TNKS1BP1: variants seen among roughly 807,000 people sequenced by gnomAD.
TNKS1BP1 encodes the protein 182 kDa tankyrase-1-binding protein.
Under a neutral mutation model 141.1 loss-of-function variants are expected in TNKS1BP1, and 48 were observed. The ratio of observed to expected loss-of-function variants is 0.34; its 90% confidence interval spans 0.27 to 0.43. TNKS1BP1 has a LOEUF of 0.43. Ranked by LOEUF, TNKS1BP1 falls within the 20% of genes least tolerant of loss-of-function variation. The pLI, the probability that TNKS1BP1 is intolerant of heterozygous loss-of-function variation, is 1.00. For missense variants in TNKS1BP1, 2,149 were observed against 2,226.0 expected (o/e 0.97, Z 0.70); for synonymous variants, 875 against 898.2 (o/e 0.97, Z 0.46).
rs377559679 is a variant in TNKS1BP1, at chr11:57,302,410, G to A, written c.4683+49C>T. 187 of 1,550,070 alleles carry A rather than the reference G, an allele frequency of 1.2e-4. No homozygotes were observed. The highest frequency in any genetic ancestry group is 1.5e-4 in the Non-Finnish European group (166 of 1,143,588). On this transcript the variant is annotated intron_variant, in intron 7 of 11. Coordinates refer to ENST00000358252, the MANE Select transcript of TNKS1BP1 (RefSeq NM_033396.3). This position sits in a 1 kb window ranked among gnomAD's most constrained non-coding sequence, Gnocchi z 5.5. ...GGGAAGCTCCAGGAATGGGGCTCTC[G>A]CTGCATCGCCCTCACCCACCCACTG...
At chr11:57,315,223 C>T (rs568694098) in intron 4 of TNKS1BP1, among the ~76,000 whole-genome samples, 1 of 152,106 alleles carries the variant, frequency 6.6e-6, no homozygotes, top group African/African-American at 2.4e-5. Flanking sequence ...CCAAGTATCC[C>T]ACTTGCCCAC....
chr11:57,307,850 C>T (rs147338379), intron 6 of TNKS1BP1, among the ~76,000 whole-genome samples: 88 of 152,288 alleles, frequency 5.8e-4, no homozygotes, highest in African/African-American at 2.0e-3. Flanking sequence ...GGCCAGGTCC[C>T]CATACCCTTC....
At position 57,317,980 on chromosome 11, in the gene TNKS1BP1, C is replaced by T; in HGVS notation, c.729-93G>A. The T allele has an allele frequency of 2.5e-6, 3 of 1,219,778 alleles. No homozygotes were observed. The South Asian group carries it at 3.7e-5, about 15-fold the overall frequency. The allele number at this position is 1,219,778 out of a possible 1,614,324, so 75.6% of individuals were successfully genotyped here. On this transcript the variant is annotated intron_variant, in intron 3 of 11. Coordinates refer to ENST00000358252, the MANE Select transcript of TNKS1BP1 (RefSeq NM_033396.3). ...GGAGAGTCTCCCAGTGCAACTTTAA[C>T]AGCACCCAAAGGTTAAACCCTCCTA... is the stretch of plus-strand genomic sequence containing the variant.
intron 3 of TNKS1BP1, 24 bp from the exon 4 acceptor site, chr11:57,317,911 T>C: frequency 6.2e-7 from 1 of 1,609,972 alleles, no homozygotes; most frequent in African/African-American, 1.3e-5. Flanking sequence ...GGACAGGAAA[T>C]GGAAGCACGG....
Position 57,300,906 on chromosome 11 carries a change from G to A in TNKS1BP1, c.5107C>T (p.Pro1703Ser), listed in dbSNP as rs1221666612. The A allele has an allele frequency of 1.2e-6, 2 of 1,614,094 alleles. No homozygotes were observed. The highest frequency in any genetic ancestry group is 1.7e-5 in the Admixed American group (1 of 60,014). The change falls in exon 10 of 12, where the codon CCC (proline) becomes TCC (serine). Residue 1703 changes from proline to serine, a missense_variant. Transcript: ENST00000358252. ...TACCCTGAGGATTTCTCTGGCTTGG[G>A]AGGTAACGTGAGGGGCTTTCCCAGT... Reference protein sequence around the residue: ...PGLGKPLTLPPKPEKSSGSEG... With the variant: ...PGLGKPLTLPSKPEKSSGSEG...
chr11:57,308,823 G>A lies in TNKS1BP1; in HGVS notation c.3888C>T (p.Cys1296=), dbSNP rs1322036729. The A allele has an allele frequency of 6.2e-7, 1 of 1,614,070 alleles. No homozygotes were observed. The highest frequency in any genetic ancestry group is 1.1e-5 in the South Asian group (1 of 91,070). The change falls in exon 6 of 12, where the codon TGC becomes TGT. Residue 1296 remains cysteine, a synonymous_variant. Transcript: ENST00000358252. The part of the protein sequence containing the change: ...GLRNMAPGAV[C]SPGESKELGV... Reference sequence around the variant, plus strand: ...CAAGCTCTTTGGACTCTCCAGGACTGCAGACTGCCCCTGGGGCCATGTTTC... The same window carrying A: ...CAAGCTCTTTGGACTCTCCAGGACTACAGACTGCCCCTGGGGCCATGTTTC...
intron 2 of TNKS1BP1, 75 bp downstream of exon 2, chr11:57,321,717 A>G (rs1175430275): frequency 1.3e-6 from 2 of 1,540,094 alleles, no homozygotes; most frequent in African/African-American, 2.7e-5. Flanking sequence ...ACCCCCCAAG[A>G]CAGAAAGAGG....
chr11:57,302,271 C>A lies in TNKS1BP1; in HGVS notation c.4684-47G>T, dbSNP rs374947474. 7.6e-6 allele frequency: 12 copies of A among 1,580,714 alleles called. No individual in the cohort carries two copies. The African/African-American group carries it at 1.2e-4, about 16-fold the overall frequency. ...CCACTGCCATTGCTGCCTCATCCCA[C>A]GGGAGCCCCTCAACAGTAGCTGACC... On this transcript the variant is annotated intron_variant, in intron 7 of 11. Transcript: ENST00000358252. The surrounding 1 kb of genome is among the most constrained non-coding windows in gnomAD (Gnocchi z 5.5).
intron 5 of TNKS1BP1, 116 bp downstream of exon 5, chr11:57,312,418 T>C (rs544678736): frequency 8.3e-7 from 1 of 1,202,798 alleles, no homozygotes; most frequent in South Asian, 2.7e-5. Context: ...ACAGCTGCCT[T>C]GCTCACTACC....
rs367912216 is a variant in TNKS1BP1 at position 57,312,520 on chromosome 11, A to C, written c.2154+14T>G. 2.1e-4 allele frequency: 303 copies of C among 1,462,786 alleles called. 1 individual carries two copies. The highest frequency in any genetic ancestry group is 1.3e-3 in the Admixed American group (52 of 39,120). 90.6% of individuals were successfully genotyped at this position (1,462,786 alleles called of 1,614,324 possible). A position where few individuals can be genotyped will look rare whatever the true frequency, so the allele number is the denominator to read the frequency against. On this transcript the variant is annotated intron_variant, in intron 5 of 11. Transcript: ENST00000358252. Reference sequence around the variant, plus strand: ...TGTCCCCAGAAGTCCCATTCTCCCTATGCCCATTCTCACCTCAGAGCAGGT... The same window carrying C: ...TGTCCCCAGAAGTCCCATTCTCCCTCTGCCCATTCTCACCTCAGAGCAGGT...
rs763921871 is a variant in TNKS1BP1 at position 57,300,959 on chromosome 11, T to C, written c.5054A>G (p.Gln1685Arg). 2 of 1,614,030 alleles carry C rather than the reference T, an allele frequency of 1.2e-6. No homozygotes were observed. Among genetic ancestry groups the C allele is most frequent in the African/African-American group, 2.7e-5 (2 of 74,914 alleles). ...TGGGACCTTGCAGGATTTCGAACGC[T>C]GGACCGCGGACTCCTTCTGGCTCGA... ...SKSSQKESAV[Q>R]RSKSCKVPGL... The change falls in exon 10 of 12, where the codon CAG (glutamine) becomes CGG (arginine). Residue 1685 changes from glutamine (Q) to arginine (R), a missense_variant. Gln to Arg is a conservative substitution (Grantham distance 43, BLOSUM62 1). Transcript: ENST00000358252.
At chr11:57,321,744 T>TGCCCCCCCCCCCCCCCC in intron 2 of TNKS1BP1, 48 bp downstream of exon 2, 1 of 1,039,822 alleles carries the variant, frequency 9.6e-7, no homozygotes, top group Non-Finnish European at 1.5e-6. Flanking sequence ...CCTCTGTCCT[T>TGCCCCCCCCCCCCCCCC]CCCACCCCCC....
chr11:57,302,233 G>A lies in TNKS1BP1; in HGVS notation c.4684-9C>T. 1.2e-6 allele frequency: 2 copies of A among 1,605,668 alleles called. No individual in the cohort carries two copies. Among genetic ancestry groups the A allele is most frequent in the Non-Finnish European group, 1.7e-6 (2 of 1,175,824 alleles). On this transcript the variant is annotated splice_polypyrimidine_tract_variant and intron_variant, in intron 7 of 11. Coordinates refer to ENST00000358252, the MANE Select transcript of TNKS1BP1 (RefSeq NM_033396.3). This position sits in a 1 kb window ranked among gnomAD's most constrained non-coding sequence, Gnocchi z 5.5. The stretch of plus-strand genomic sequence containing the variant: ...TCGAGGATCTCGGTGTCCTGCTTGG[G>A]GCAATGGTGACACCACTGCCATTGC...
chr11:57,309,816 G>A lies in TNKS1BP1; in HGVS notation c.2895C>T (p.Gly965=), dbSNP rs770782579. ...CCTGGGCGTCAAGGGTCCTGGAGCT[G>A]CCACCACTGCTGTAGTCCCTTATCC... ...SAWIRDYSSG[G]SSRTLDAQDR... is the part of the protein sequence containing the mutation. The change falls in exon 6 of 12, where the codon GGC becomes GGT. Residue 965 remains glycine (G), a synonymous_variant. Coordinates refer to ENST00000358252, the MANE Select transcript of TNKS1BP1 (RefSeq NM_033396.3). The surrounding 1 kb of genome is among the most constrained non-coding windows in gnomAD (Gnocchi z 4.3). The A allele has an allele frequency of 2.1e-5, 34 of 1,614,160 alleles. No homozygotes were observed. Among genetic ancestry groups the A allele is most frequent in the Non-Finnish European group, 2.9e-5 (34 of 1,180,022 alleles).
chr11:57,300,919 G>A lies in TNKS1BP1; in HGVS notation c.5094C>T (p.Pro1698=), dbSNP rs994093814. The A allele has an allele frequency of 1.5e-5, 25 of 1,614,000 alleles. No homozygotes were observed. The highest frequency in any genetic ancestry group is 2.7e-5 in the African/African-American group (2 of 74,916). Residue 1698 remains proline (P), a synonymous_variant, in exon 10 of 12, where the codon CCC becomes CCT. Transcript: ENST00000358252. ...TCTCTGGCTTGGGAGGTAACGTGAG[G>A]GGCTTTCCCAGTCCTGGGACCTTGC... ...KSCKVPGLGK[P]LTLPPKPEKS...
chr11:57,316,753 T>C (rs1194873161), intron 4 of TNKS1BP1, among the ~76,000 whole-genome samples: 1 of 152,180 alleles, frequency 6.6e-6, no homozygotes, highest in Admixed American at 6.5e-5. Flanking sequence ...AACAGCCCCC[T>C]GACTGGTCCA....
intron 2 of TNKS1BP1, 48 bp downstream of exon 2, chr11:57,321,744 T>TGCCGCCCCCCG: frequency 9.6e-7 from 1 of 1,039,822 alleles, no homozygotes; most frequent in Non-Finnish European, 1.5e-6. Flanking sequence ...CCTCTGTCCT[T>TGCCGCCCCCCG]CCCACCCCCC....
intron 5 of TNKS1BP1, chr11:57,311,238 C>T (rs767244501): frequency 3.7e-5 from 36 of 985,358 alleles, no homozygotes; most frequent in Non-Finnish European, 4.3e-5. Flanking sequence ...CCTGACTCAC[C>T]CTTGTGGGCG....
chr11:57,321,695 C>T, intron 2 of TNKS1BP1, 97 bp downstream of exon 2: 1 of 1,411,066 alleles, frequency 7.1e-7, no homozygotes. Context: ...TCAACAGAAT[C>T]ATCACTCAAC....
Sources: gnomAD v4.1 joint callset for allele counts (sites outside exome capture counted in the v4.1 genomes callset) on GRCh38, gnomAD v4.1.1 for gene constraint, Gnocchi (gnomAD v3.1) non-coding constraint, MANE v1.5 for transcripts, NCBI Gene and HGNC (gene_info 2026-07-23, HGNC 2026-07-21) for gene names.